The following APC variants were observed in gnomAD, a reference collection of about 807,000 sequenced individuals.
The protein encoded by APC is APC regulator of Wnt signaling pathway, also known as adenomatous polyposis coli protein.
In APC, 72 loss-of-function variants were observed where a neutral mutation model predicts 247.0. The ratio of observed to expected loss-of-function variants is 0.29; its 90% CI spans 0.24 to 0.35. The LOEUF is 0.35. APC is among the 10% of genes least tolerant of loss of function. The pLI, the probability that APC is intolerant of heterozygous loss-of-function variation, is 1.00. For missense variants in APC, 3,400 were observed against 3,360.7 expected (o/e 1.01, Z -0.29); for synonymous variants, 1,254 against 1,162.5 (o/e 1.08, Z -1.60).
At position 112,838,940 on chromosome 5, in the gene APC, G is replaced by A. The variant is rs2149890050; in HGVS notation, c.3346G>A (p.Gly1116Ser). The A allele has an allele frequency of 1.2e-6, 2 of 1,613,956 alleles. No individual in the cohort carries two copies. The highest frequency in any genetic ancestry group is 2.2e-5 in the East Asian group (1 of 44,862). The change falls in exon 16 of 16, where the codon GGT becomes AGT. Residue 1116 changes from glycine to serine, a missense_variant. Physicochemically the swap from Gly to Ser is moderately conservative, Grantham distance 56. Around this residue, in one of 9 missense-constraint regions of APC, gnomAD observed 715 missense variants for 656.6 expected, o/e 1.09. Transcript: ENST00000257430. ...CAATGGTTCAGAAACAAATCGAGTG[G>A]GTTCTAATCATGGAATTAATCAAAA... The part of the protein sequence containing the change: ...GANGSETNRV[G>S]SNHGINQNVS...
chr5:112,810,534 A>G (rs764569146), intron 8 of APC, among the ~76,000 whole-genome samples: 2 of 152,242 alleles, frequency 1.3e-5, no homozygotes, highest in Admixed American at 6.5e-5. Flanking sequence ...ATTGGTGACC[A>G]TAAATGTATA....
chr5:112,824,898 T>A lies in APC; in HGVS notation c.1409-2210T>A, dbSNP rs141068136. The stretch of plus-strand genomic sequence containing the variant: ...CCTAGGCTCTTTTCCTTTCTCTCTA[T>A]GCTTCTGTTATAGTTTTTGTTTTTG... On this transcript the variant is annotated intron_variant, in intron 11 of 15. Coordinates refer to ENST00000257430, the MANE Select transcript of APC (RefSeq NM_000038.6). Among the ~76,000 whole-genome samples the A allele has an allele frequency of 1.8e-3, 274 of 152,262 alleles. 1 individual carries two copies. The highest frequency in any genetic ancestry group is 6.4e-3 in the African/African-American group (265 of 41,564).
intron 15 of APC, among the ~76,000 whole-genome samples, chr5:112,836,165 T>TTCCCCCCCCCCCCCCCCCCCCCC (rs1554083526): frequency 1.2e-4 from 3 of 24,478 alleles, no homozygotes; most frequent in Non-Finnish European, 2.6e-4. Context: ...GGATTACAGG[T>TTCCCCCCCCCCCCCCCCCCCCCC]CCCCCCCCCC....
chr5:112,737,912 G>A lies in APC; in HGVS notation c.-32G>A. The A allele has an allele frequency of 1.0e-6, 1 of 985,768 alleles. No homozygotes were observed. The highest frequency in any genetic ancestry group is 1.2e-6 in the Non-Finnish European group (1 of 830,196). The allele number at this position is 985,768 out of a possible 1,614,324, so 61.1% of individuals were successfully genotyped here. On this transcript the variant is annotated 5_prime_UTR_variant, in exon 1 of 16. Transcript: ENST00000257430. ...TGGAGACAGAATGGAGGTGCTGCCG[G>A]ACTCGGAAATGGGGTAGGTGCTGGA... is the stretch of plus-strand genomic sequence containing the variant.
Position 112,819,025 on chromosome 5 carries a change from G to T in APC, c.993G>T (p.Ser331=), listed in dbSNP as rs148343173. 6.2e-7 allele frequency: 1 copy of T among 1,613,964 alleles called. No homozygotes were observed. The highest frequency in any genetic ancestry group is 8.5e-7 in the Non-Finnish European group (1 of 1,179,968). The change falls in exon 10 of 16, where the codon TCG becomes TCT. Residue 331 remains serine, a synonymous_variant. Transcript: ENST00000257430. The part of the protein sequence containing the change: ...MLGTHDKDDM[S]RTLLAMSSSQ... ...GTACTCATGATAAGGATGATATGTCGCGAACTTTGCTAGCTATGTCTAGCT... is the reference window on the plus strand; with the variant it reads ...GTACTCATGATAAGGATGATATGTCTCGAACTTTGCTAGCTATGTCTAGCT...
rs1297141781 is a variant in APC at position 112,766,322 on chromosome 5, A to G, written c.136-4A>G. 1.3e-6 allele frequency: 2 copies of G among 1,578,476 alleles called. No individual in the cohort carries two copies. The highest frequency in any genetic ancestry group is 1.7e-6 in the Non-Finnish European group (2 of 1,148,154). ...ATGTTAATATATTGTGTTCTTTTTA[A>G]CAGGAAGTACTTAAACAACTACAAG... is the stretch of plus-strand genomic sequence containing the variant. On this transcript the variant is annotated splice_polypyrimidine_tract_variant and splice_region_variant and intron_variant, in intron 2 of 15. Coordinates refer to ENST00000257430, the MANE Select transcript of APC (RefSeq NM_000038.6).
At chr5:112,785,941 A>C (rs1203128853) in intron 6 of APC, among the ~76,000 whole-genome samples, 1 of 152,208 alleles carries the variant, frequency 6.6e-6, no homozygotes, top group African/African-American at 2.4e-5. Flanking sequence ...AGAGGAAGGA[A>C]AGTTGGGATT....
In APC at chr5:112,843,238, A is replaced by G. The variant is rs1210531698; in HGVS notation, c.7644A>G (p.Lys2548=). The G allele has an allele frequency of 3.1e-6, 5 of 1,613,944 alleles. No individual in the cohort carries two copies. The highest frequency in any genetic ancestry group is 1.7e-5 in the Admixed American group (1 of 60,014). Residue 2548 remains lysine, a synonymous_variant, in exon 16 of 16, where the codon AAA becomes AAG. Transcript: ENST00000257430. The surrounding 1 kb of genome is among the most constrained non-coding windows in gnomAD (Gnocchi z 4.8). Reference sequence around the variant, plus strand: ...CAATCAATAGGTCAGGAACCTGGAAACGTGAGCACAGCAAACATTCATCAT... The same window carrying G: ...CAATCAATAGGTCAGGAACCTGGAAGCGTGAGCACAGCAAACATTCATCAT... The part of the protein sequence containing the change: ...RLPINRSGTW[K]REHSKHSSSL...
chr5:112,777,900 C>T (rs1019764165), intron 5 of APC: 1 of 203,530 alleles, frequency 4.9e-6, no homozygotes, highest in Non-Finnish European at 1.1e-5. Flanking sequence ...ATCAGATTCA[C>T]TGTCAGATAA....
intron 6 of APC, among the ~76,000 whole-genome samples, chr5:112,788,316 A>C (rs1345231902): frequency 6.6e-6 from 1 of 152,208 alleles, no homozygotes; most frequent in Non-Finnish European, 1.5e-5. Context: ...TAAAAGCTTC[A>C]TGGGCTTTTG....
At chr5:112,748,681 TA>T (rs1381020430) in intron 1 of APC, among the ~76,000 whole-genome samples, 2 of 151,936 alleles carry the variant, frequency 1.3e-5, no homozygotes, top group Non-Finnish European at 2.9e-5. Context: ...GGCCAACAGG[TA>T]AAACCCCATC....
intron 1 of APC, among the ~76,000 whole-genome samples, chr5:112,752,712 G>T (rs1483382360): frequency 6.6e-6 from 1 of 152,174 alleles, no homozygotes; most frequent in Non-Finnish European, 1.5e-5. Flanking sequence ...AATTTTGTAT[G>T]ACTTCACAAG....
Position 112,842,833 on chromosome 5 carries a change from G to C in APC, c.7239G>C (p.Lys2413Asn), listed in dbSNP as rs773598516. Residue 2413 changes from lysine to asparagine, a missense_variant, in exon 16 of 16, where the codon AAG (lysine) becomes AAC (asparagine). This residue lies in a region of APC where 1,788 missense variants were observed against 1,649.5 expected (regional missense o/e 1.08). Transcript: ENST00000257430. ...ATAATGGTAATGGAGCCAATAAAAA[G>C]GTAGAACTTTCTAGAATGTCTTCAA... is the stretch of plus-strand genomic sequence containing the variant. ...QMNNGNGANKKVELSRMSSTK... is the reference protein window; with the variant it reads ...QMNNGNGANKNVELSRMSSTK... 6.2e-7 allele frequency: 1 copy of C among 1,613,804 alleles called. No individual in the cohort carries two copies.
intron 4 of APC, 111 bp from the exon 5 acceptor site, chr5:112,775,518 A>G: frequency 1.6e-6 from 1 of 635,210 alleles, no homozygotes; most frequent in South Asian, 2.1e-5. Context: ...GTAATTCATT[A>G]TTAGCACTTT....
At chr5:112,725,772 G>A (rs571621668) in intron 1 of APC, among the ~76,000 whole-genome samples, 7 of 152,074 alleles carry the variant, frequency 4.6e-5, no homozygotes, top group Non-Finnish European at 8.8e-5. Flanking sequence ...AAAACCCAAA[G>A]CACCACATAT....
chr5:112,740,104 A>T (rs1162607119), intron 1 of APC, among the ~76,000 whole-genome samples: 1 of 152,212 alleles, frequency 6.6e-6, no homozygotes, highest in Non-Finnish European at 1.5e-5. Flanking sequence ...TCACTGACAA[A>T]TTATTCAAAA....
intron 14 of APC, among the ~76,000 whole-genome samples, chr5:112,831,064 A>C (rs1561561274): frequency 6.6e-6 from 1 of 152,164 alleles, no homozygotes; most frequent in Non-Finnish European, 1.5e-5. Flanking sequence ...CACTGCTGCT[A>C]ACTGGTTCAT....
rs1554087810 is a variant in APC at position 112,842,463 on chromosome 5, C to T, written c.6869C>T (p.Ser2290Phe). The change falls in exon 16 of 16, where the codon TCC (serine) becomes TTC (phenylalanine). Residue 2290 changes from serine (S) to phenylalanine (F), a missense_variant. Physicochemically the swap from Ser to Phe is radical, Grantham distance 155. Coordinates refer to ENST00000257430, the MANE Select transcript of APC (RefSeq NM_000038.6). ...TTAAGCCCTGTTGCCAGGCAGACAT[C>T]CCAAATAGGTGGGTCAAGTAAAGCA... The part of the protein sequence containing the change: ...SELSPVARQT[S>F]QIGGSSKAPS... The T allele has an allele frequency of 5.6e-6, 9 of 1,613,990 alleles. No homozygotes were observed. The highest frequency in any genetic ancestry group is 7.6e-6 in the Non-Finnish European group (9 of 1,179,908).
chr5:112,841,925 A>G lies in APC; in HGVS notation c.6331A>G (p.Ile2111Val), dbSNP rs1580669772. The change falls in exon 16 of 16, where the codon ATA becomes GTA. Residue 2111 changes from isoleucine (I) to valine (V), a missense_variant. Physicochemically the swap from Ile to Val is conservative, Grantham distance 29 (BLOSUM62 3). Coordinates refer to ENST00000257430, the MANE Select transcript of APC (RefSeq NM_000038.6). This position sits in a 1 kb window ranked among gnomAD's most constrained non-coding sequence, Gnocchi z 4.6. ...WKAIQEGANS[I>V]VSSLHQAAAA... ...AGCTATTCAGGAAGGTGCAAATTCCATAGTAAGTAGTTTACATCAAGCTGC... is the reference window on the plus strand; with the variant it reads ...AGCTATTCAGGAAGGTGCAAATTCCGTAGTAAGTAGTTTACATCAAGCTGC... 2 of 1,614,002 alleles carry G rather than the reference A, an allele frequency of 1.2e-6. No homozygotes were observed. Among genetic ancestry groups the G allele is most frequent in the Non-Finnish European group, 8.5e-7 (1 of 1,179,952 alleles).
Sources: gnomAD v4.1 joint callset for allele counts (sites outside exome capture counted in the v4.1 genomes callset) on GRCh38, gnomAD v4.1.1 for gene constraint, gnomAD v4.1.1 regional missense constraint, Gnocchi (gnomAD v3.1) non-coding constraint, MANE v1.5 for transcripts, NCBI Gene and HGNC (gene_info 2026-07-23, HGNC 2026-07-21) for gene names.